ESR1: variants seen among roughly 807,000 people sequenced by gnomAD.
The protein encoded by ESR1 is estrogen receptor 1, also known as estrogen receptor.
ESR1 carries 12 observed loss-of-function variants against 52.7 expected under a neutral mutation model. That is an observed-to-expected ratio of 0.23 (90% confidence interval 0.15 to 0.37). The LOEUF (loss-of-function observed/expected upper bound fraction) is 0.37, where lower values mean the gene tolerates loss of function less well. Among genes scored for constraint, ESR1 ranks in the 10% least tolerant of loss-of-function variants. The pLI, the probability that ESR1 is intolerant of heterozygous loss-of-function variation, is 1.00. For synonymous variants in ESR1, 305 were observed against 316.8 expected (o/e 0.96, Z 0.39); for missense variants, 584 against 779.7 (o/e 0.75, Z 2.99).
chr6:152,112,789 A>G (rs1206210243), intron 6 of ESR1: 1 of 152,304 alleles, frequency 6.6e-6, no homozygotes, highest in Non-Finnish European at 1.5e-5. Context: ...GGAAGCGGCC[A>G]AGGGATTTGC....
intron 2 of ESR1, among the ~76,000 whole-genome samples, chr6:151,731,181 C>T (rs542714751): frequency 3.3e-5 from 5 of 152,070 alleles, no homozygotes; most frequent in South Asian, 4.1e-4. Context: ...TATAGTGAAA[C>T]CCCCGTGTCT....
At chr6:151,731,859 A>G (rs750878993) in intron 2 of ESR1, among the ~76,000 whole-genome samples, 1 of 152,204 alleles carries the variant, frequency 6.6e-6, no homozygotes, top group Non-Finnish European at 1.5e-5. Context: ...ACTGCAGCAG[A>G]TTTCTGCATC....
chr6:151,988,692 A>G (rs561560941), intron 4 of ESR1, among the ~76,000 whole-genome samples: 5 of 152,226 alleles, frequency 3.3e-5, no homozygotes, highest in Non-Finnish European at 7.4e-5. Flanking sequence ...AAGTTTACCT[A>G]TGTGAGAAAC....
chr6:151,985,522 A>C lies in ESR1; in HGVS notation c.1097-26134A>C, dbSNP rs1371237383. ...GACTCTGTCTCAAAAAAAAAAAAAA[A>C]AAAAAAAAAAACACAAACAAAAAAA... On this transcript the variant is annotated intron_variant, in intron 4 of 7. Transcript: ENST00000206249. 2.7e-3 allele frequency among the ~76,000 whole-genome samples: 377 copies of C among 137,970 alleles called. 8 individuals are homozygous for C. Among genetic ancestry groups the C allele is most frequent in the African/African-American group, 0.011 (357 of 32,486 alleles). The allele number at this position is 137,970 out of a possible 152,430, so 90.5% of individuals were successfully genotyped here.
chr6:151,991,214 G>A (rs1170091669), intron 4 of ESR1, among the ~76,000 whole-genome samples: 1 of 152,186 alleles, frequency 6.6e-6, no homozygotes, highest in Non-Finnish European at 1.5e-5. Context: ...ATACTGACCT[G>A]ATTTGGGTAA....
At chr6:151,815,393 C>T (rs1410877274) in intron 1 of ESR1, among the ~76,000 whole-genome samples, 1 of 152,212 alleles carries the variant, frequency 6.6e-6, no homozygotes, top group Non-Finnish European at 1.5e-5. Flanking sequence ...GAAATCATCT[C>T]TTCTTCATTG....
intron 4 of ESR1, among the ~76,000 whole-genome samples, chr6:151,970,776 T>G (rs1461713241): frequency 6.6e-6 from 1 of 152,154 alleles, no homozygotes; most frequent in Non-Finnish European, 1.5e-5. Flanking sequence ...CAGTTTCCAA[T>G]TCTGTTGAAT....
intron 5 of ESR1, among the ~76,000 whole-genome samples, chr6:152,055,466 C>T (rs1281140383): frequency 6.6e-6 from 1 of 152,122 alleles, no homozygotes; most frequent in Non-Finnish European, 1.5e-5. Context: ...CTGCTGTCAC[C>T]CTTTGCCATA....
At chr6:152,091,262 A>G (rs2050155706) in intron 6 of ESR1, among the ~76,000 whole-genome samples, 1 of 152,230 alleles carries the variant, frequency 6.6e-6, no homozygotes, top group African/African-American at 2.4e-5. Context: ...ATTTTGCCAG[A>G]AAAGTCCAGA....
chr6:151,677,324 T>G (rs772994367), intron 1 of ESR1, among the ~76,000 whole-genome samples: 35 of 152,376 alleles, frequency 2.3e-4, no homozygotes, highest in Middle Eastern at 3.4e-3. Context: ...CTTCCTGCCT[T>G]TATTTCCCTT....
intron 1 of ESR1, among the ~76,000 whole-genome samples, chr6:151,681,387 C>G (rs1276569269): frequency 1.3e-5 from 2 of 151,932 alleles, no homozygotes; most frequent in Non-Finnish European, 2.9e-5. Flanking sequence ...TTTCCACGCT[C>G]CTGATGGCAG....
intron 3 of ESR1, among the ~76,000 whole-genome samples, chr6:151,904,380 A>G (rs1054957199): frequency 6.6e-6 from 1 of 152,214 alleles, no homozygotes; most frequent in Non-Finnish European, 1.5e-5. Context: ...TGACACTGCT[A>G]TATAGATATT....
Position 151,855,899 on chromosome 6 carries a change from T to C in ESR1, c.643+13112T>C, listed in dbSNP as rs542285907. On this transcript the variant is annotated intron_variant, in intron 2 of 7. Transcript: ENST00000206249. ...GAGTTCTACTTAATTGTAAGTGGCC[T>C]GTGATTTGTCGTTAGTCATTGCATG... Among the ~76,000 whole-genome samples, 3 of 152,326 alleles carry C rather than the reference T, an allele frequency of 2.0e-5. No individual in the cohort carries two copies. The South Asian group carries it at 6.2e-4, about 32-fold the overall frequency.
At chr6:151,733,625 T>C (rs1376492148) in intron 2 of ESR1, among the ~76,000 whole-genome samples, 1 of 152,188 alleles carries the variant, frequency 6.6e-6, no homozygotes, top group Admixed American at 6.5e-5. Flanking sequence ...GAAAAGACCT[T>C]GCATTTAGGA....
intron 4 of ESR1, among the ~76,000 whole-genome samples, chr6:151,998,540 A>G (rs1349983774): frequency 1.3e-5 from 2 of 152,176 alleles, no homozygotes; most frequent in East Asian, 3.9e-4. Flanking sequence ...GAAGTCATGC[A>G]CTGGAGGAGG....
intron 4 of ESR1, among the ~76,000 whole-genome samples, chr6:151,998,291 C>A (rs1241189037): frequency 6.6e-6 from 1 of 152,076 alleles, no homozygotes; most frequent in Non-Finnish European, 1.5e-5. Context: ...TTACACATAG[C>A]CTCAAATATA....
In ESR1 at chr6:152,047,716, T is replaced by C. The variant is rs558750194; in HGVS notation, c.1236-13275T>C. 1.6e-4 allele frequency among the ~76,000 whole-genome samples: 25 copies of C among 152,258 alleles called. No individual in the cohort carries two copies. In the South Asian group the frequency reaches 4.8e-3, roughly 29 times the overall value. ...TAAGCAATCTATGCATGTAACAACA[T>C]TGCATTTGTACCCTGTACATTTATA... On this transcript the variant is annotated intron_variant, in intron 5 of 7. Coordinates refer to ENST00000206249, the MANE Select transcript of ESR1 (RefSeq NM_000125.4).
chr6:151,871,839 C>T (rs1583843345), intron 2 of ESR1, among the ~76,000 whole-genome samples: 2 of 152,240 alleles, frequency 1.3e-5, no homozygotes, highest in East Asian at 3.9e-4. Context: ...GATATTTGTC[C>T]TTTTGTGTCT....
intron 3 of ESR1, among the ~76,000 whole-genome samples, chr6:151,933,281 T>C (rs1399451624): frequency 2.7e-5 from 4 of 149,476 alleles, no homozygotes; most frequent in Non-Finnish European, 6.0e-5. Flanking sequence ...ATAAGAATGC[T>C]TGTGATTTTT....
Sources: gnomAD v4.1 joint callset for allele counts (sites outside exome capture counted in the v4.1 genomes callset) on GRCh38, gnomAD v4.1.1 for gene constraint, MANE v1.5 for transcripts, NCBI Gene and HGNC (gene_info 2026-07-23, HGNC 2026-07-21) for gene names.